ZNRF1: variants seen among roughly 807,000 people sequenced by gnomAD.
ZNRF1 encodes the protein zinc and ring finger 1.
ZNRF1 carries 3 observed loss-of-function variants against 18.4 expected under a neutral mutation model. The ratio of observed to expected loss-of-function variants is 0.16; its 90% CI spans 0.07 to 0.42. The LOEUF is 0.42. Among genes scored for constraint, ZNRF1 ranks in the 10% least tolerant of loss-of-function variants. ZNRF1 has a pLI of 0.99. For synonymous variants in ZNRF1, 157 were observed against 144.2 expected (o/e 1.09, Z -0.64); for missense variants, 310 against 329.8 (o/e 0.94, Z 0.47).
chr16:75,024,125 C>T (rs1236576264), intron 1 of ZNRF1, among the ~76,000 whole-genome samples: 2 of 152,098 alleles, frequency 1.3e-5, no homozygotes, highest in East Asian at 1.9e-4. Context: ...CTGCCTTGGC[C>T]TCCCAAAGTG....
intron 2 of ZNRF1, among the ~76,000 whole-genome samples, chr16:75,096,557 G>T (rs914932671): frequency 3.9e-5 from 6 of 152,164 alleles, no homozygotes; most frequent in South Asian, 2.1e-4. Flanking sequence ...TTTCTGGAAA[G>T]GGGGCGAGGC....
rs144988537 is a variant in ZNRF1 at position 75,078,330 on chromosome 16, G to A, written c.425-15242G>A. 4.0e-3 allele frequency among the ~76,000 whole-genome samples: 486 copies of A among 120,994 alleles called. 6 individuals carry two copies. The highest frequency in any genetic ancestry group is 0.015 in the African/African-American group (458 of 30,194). The allele number at this position is 120,994 out of a possible 152,430, so 79.4% of individuals were successfully genotyped here. ...TTTTTTTTTTTTTTGACAGAGTCTC[G>A]CTCTGTTGCCCAGGCTGGAGTGCAA... On this transcript the variant is annotated intron_variant, in intron 1 of 4. Coordinates refer to ENST00000335325, the MANE Select transcript of ZNRF1 (RefSeq NM_032268.5).
chr16:75,030,218 A>G (rs570883006), intron 1 of ZNRF1, among the ~76,000 whole-genome samples: 25 of 152,336 alleles, frequency 1.6e-4, no homozygotes, highest in African/African-American at 5.8e-4. Context: ...AAATAAACAC[A>G]TGCATCTATG....
rs796533694 is a variant in ZNRF1 at position 75,001,334 on chromosome 16, T to C, written c.424+1239T>C. On this transcript the variant is annotated intron_variant, in intron 1 of 4. Coordinates refer to ENST00000335325, the MANE Select transcript of ZNRF1 (RefSeq NM_032268.5). ...TTGGTTTGGTTTTTTGTCAATTCTG[T>C]AAACTTTAATTTGTGAAATAGTGTT... Among the ~76,000 whole-genome samples the C allele has an allele frequency of 2.9e-4, 44 of 152,290 alleles. 2 individuals are homozygous for C. The highest frequency in any genetic ancestry group is 1.0e-3 in the African/African-American group (43 of 41,562).
intron 1 of ZNRF1, among the ~76,000 whole-genome samples, chr16:75,031,864 C>G (rs2035309340): frequency 1.3e-5 from 2 of 152,254 alleles, no homozygotes; most frequent in South Asian, 4.1e-4. Flanking sequence ...TCTGCCGGAT[C>G]TACCCGGTAG....
At chr16:75,004,184 C>G (rs1256035946) in intron 1 of ZNRF1, among the ~76,000 whole-genome samples, 2 of 152,074 alleles carry the variant, frequency 1.3e-5, no homozygotes, top group African/African-American at 4.8e-5. Context: ...GCTGTAGCCC[C>G]CAAATGGAAT....
intron 1 of ZNRF1, among the ~76,000 whole-genome samples, chr16:75,076,280 T>C (rs2035940145): frequency 6.6e-6 from 1 of 152,182 alleles, no homozygotes; most frequent in Non-Finnish European, 1.5e-5. Context: ...ACTTTTGACA[T>C]CTAACTCTAT....
At chr16:75,005,765 T>A (rs1450414232) in intron 1 of ZNRF1, among the ~76,000 whole-genome samples, 1 of 152,200 alleles carries the variant, frequency 6.6e-6, no homozygotes, top group Non-Finnish European at 1.5e-5. Flanking sequence ...CAATATACTG[T>A]GATAAAAGTT....
At chr16:75,013,373 A>C (rs1303875499) in intron 1 of ZNRF1, among the ~76,000 whole-genome samples, 1 of 148,016 alleles carries the variant, frequency 6.8e-6, no homozygotes, top group African/African-American at 2.5e-5. Context: ...TCCGAGATGG[A>C]GTCTCACTCT....
At chr16:75,017,470 A>G (rs1274020965) in intron 1 of ZNRF1, among the ~76,000 whole-genome samples, 3 of 152,240 alleles carry the variant, frequency 2.0e-5, no homozygotes, top group Non-Finnish European at 4.4e-5. Flanking sequence ...CAGAATTCTC[A>G]AAGGTTATCA....
intron 1 of ZNRF1, among the ~76,000 whole-genome samples, chr16:75,006,028 A>G (rs2034912799): frequency 6.6e-6 from 1 of 152,202 alleles, no homozygotes; most frequent in African/African-American, 2.4e-5. Flanking sequence ...ATTGTAATAC[A>G]GTTGTAAGTA....
intron 1 of ZNRF1, among the ~76,000 whole-genome samples, chr16:75,024,460 A>G (rs1276659186): frequency 1.3e-5 from 2 of 152,264 alleles, no homozygotes; most frequent in Non-Finnish European, 2.9e-5. Flanking sequence ...TACAGTAATC[A>G]TAGGAATAAA....
intron 1 of ZNRF1, among the ~76,000 whole-genome samples, chr16:75,007,161 G>T (rs1052600202): frequency 1.3e-5 from 2 of 151,306 alleles, no homozygotes; most frequent in Non-Finnish European, 2.9e-5. Context: ...GGGCTCAAGC[G>T]ATCCTCCTTC....
chr16:75,101,929 TCAG>T (rs928329475), intron 2 of ZNRF1, among the ~76,000 whole-genome samples: 2 of 152,200 alleles, frequency 1.3e-5, no homozygotes, highest in African/African-American at 4.8e-5. Context: ...GACAGACACT[TCAG>T]CAGCAGACTG....
intron 1 of ZNRF1, among the ~76,000 whole-genome samples, chr16:75,050,645 G>A (rs1323653656): frequency 2.6e-5 from 4 of 151,842 alleles, no homozygotes; most frequent in South Asian, 2.1e-4. Context: ...AAGGCGGGCG[G>A]ATCACGAGGT....
intron 1 of ZNRF1, among the ~76,000 whole-genome samples, chr16:75,084,195 C>G (rs1193396189): frequency 3.3e-5 from 5 of 152,188 alleles, no homozygotes. Flanking sequence ...AAGCAAATCA[C>G]AAACCCACCC....
intron 1 of ZNRF1, among the ~76,000 whole-genome samples, chr16:75,037,612 A>G (rs1367075899): frequency 1.3e-5 from 2 of 152,164 alleles, no homozygotes; most frequent in Admixed American, 1.3e-4. Context: ...TGCTGCGATT[A>G]CAGGCATGAG....
intron 1 of ZNRF1, among the ~76,000 whole-genome samples, chr16:75,025,448 C>A (rs915980608): frequency 2.0e-5 from 3 of 152,106 alleles, no homozygotes; most frequent in African/African-American, 7.2e-5. Flanking sequence ...CACACTTCTC[C>A]CTGACTATCC....
chr16:75,053,589 CAAAAA>C (rs56775288), intron 1 of ZNRF1, among the ~76,000 whole-genome samples: 6 of 71,620 alleles, frequency 8.4e-5, no homozygotes, highest in Non-Finnish European at 1.5e-4. Context: ...GACTCCATCT[CAAAAA>C]AAAAAAAAAA....
Sources: gnomAD v4.1 joint callset for allele counts (sites outside exome capture counted in the v4.1 genomes callset) on GRCh38, gnomAD v4.1.1 for gene constraint, MANE v1.5 for transcripts, NCBI Gene and HGNC (gene_info 2026-07-23, HGNC 2026-07-21) for gene names.